HLCS: variants seen among roughly 807,000 people sequenced by gnomAD.
HLCS encodes holocarboxylase synthetase.
A neutral mutation model predicts 75.0 loss-of-function variants in HLCS; 53 were observed. The ratio of observed to expected loss-of-function variants is 0.71; its 90% confidence interval spans 0.57 to 0.89. The LOEUF is 0.89. Among genes scored for constraint, HLCS ranks in the 40% least tolerant of loss-of-function variants. The pLI is 0.00. For missense variants in HLCS, 966 were observed against 1,074.0 expected (o/e 0.90, Z 1.41); for synonymous variants, 431 against 428.6 (o/e 1.01, Z -0.07).
intron 6 of HLCS, among the ~76,000 whole-genome samples, chr21:36,840,231 A>C (rs894833641): frequency 3.9e-5 from 6 of 152,232 alleles, no homozygotes; most frequent in African/African-American, 1.4e-4. Flanking sequence ...TTGGCTTTAA[A>C]AAAATTACTA....
chr21:36,771,742 T>C (rs2060213687), intron 6 of HLCS, among the ~76,000 whole-genome samples: 1 of 152,168 alleles, frequency 6.6e-6, no homozygotes, highest in Admixed American at 6.5e-5. Flanking sequence ...CTCACGCCTA[T>C]AATCCCAGCA....
intron 6 of HLCS, among the ~76,000 whole-genome samples, chr21:36,857,475 T>C (rs994853191): frequency 6.6e-6 from 1 of 152,214 alleles, no homozygotes. Context: ...GTTTGGTCTT[T>C]CATTTGTGTA....
intron 6 of HLCS, among the ~76,000 whole-genome samples, chr21:36,877,269 G>A (rs911024873): frequency 3.9e-5 from 6 of 152,056 alleles, no homozygotes; most frequent in African/African-American, 1.4e-4. Context: ...GTTGAATTGA[G>A]TTAAACCATT....
chr21:36,766,041 T>C (rs1277798024), intron 7 of HLCS, among the ~76,000 whole-genome samples: 2 of 152,194 alleles, frequency 1.3e-5, no homozygotes, highest in African/African-American at 4.8e-5. Flanking sequence ...TTCCTTTCTT[T>C]CTTCCTTTTT....
intron 6 of HLCS, among the ~76,000 whole-genome samples, chr21:36,887,733 TA>T (rs1261894400): frequency 1.3e-5 from 2 of 152,182 alleles, no homozygotes; most frequent in Non-Finnish European, 2.9e-5. Flanking sequence ...AACTGACACA[TA>T]AAAAAATTCG....
At chr21:36,787,956 G>A (rs2060741926) in intron 6 of HLCS, among the ~76,000 whole-genome samples, 1 of 152,176 alleles carries the variant, frequency 6.6e-6, no homozygotes, top group Admixed American at 6.5e-5. Flanking sequence ...AGACGCTGCA[G>A]CTTGGTTCTT....
intron 4 of HLCS, among the ~76,000 whole-genome samples, chr21:36,935,797 C>A (rs186883382): frequency 3.3e-5 from 5 of 152,336 alleles, no homozygotes; most frequent in African/African-American, 9.6e-5. Flanking sequence ...GGATCTCCTA[C>A]GCAAGAAAAA....
intron 1 of HLCS, among the ~76,000 whole-genome samples, chr21:36,987,444 C>T (rs2069248789): frequency 6.6e-6 from 1 of 152,102 alleles, no homozygotes; most frequent in Non-Finnish European, 1.5e-5. Flanking sequence ...GAAACCCTGT[C>T]TCTACTAAAA....
intron 6 of HLCS, among the ~76,000 whole-genome samples, chr21:36,769,597 T>C (rs952380345): frequency 1.3e-5 from 2 of 152,232 alleles, no homozygotes; most frequent in African/African-American, 4.8e-5. Context: ...TTTCTGTGAG[T>C]GGCAGCCGAG....
intron 6 of HLCS, among the ~76,000 whole-genome samples, chr21:36,848,469 A>G (rs2062874528): frequency 6.6e-6 from 1 of 151,962 alleles, no homozygotes; most frequent in Admixed American, 6.6e-5. Context: ...GGATTTTACC[A>G]TGTTGGCCAG....
At chr21:36,951,667 A>AT (rs2067675738) in intron 2 of HLCS, among the ~76,000 whole-genome samples, 2 of 152,242 alleles carry the variant, frequency 1.3e-5, no homozygotes, top group South Asian at 4.1e-4. Flanking sequence ...AATCTGGCAT[A>AT]TAACAGGCAC....
At chr21:36,980,330 GAA>G (rs2069083121) in intron 1 of HLCS, 2 of 152,152 alleles carry the variant, frequency 1.3e-5, no homozygotes, top group African/African-American at 2.4e-5. Context: ...CAGCTGAACT[GAA>G]CTCCTGCCTG....
chr21:36,908,980 G>A (rs2065583409), intron 5 of HLCS, among the ~76,000 whole-genome samples: 3 of 152,100 alleles, frequency 2.0e-5, no homozygotes, highest in African/African-American at 7.2e-5. Context: ...GGATCACAAG[G>A]TCAGGAGATC....
intron 6 of HLCS, among the ~76,000 whole-genome samples, chr21:36,799,790 C>G (rs1474914689): frequency 6.6e-6 from 1 of 152,198 alleles, no homozygotes; most frequent in Admixed American, 6.5e-5. Context: ...TTCCAAGGAG[C>G]CGAAAACTTG....
intron 6 of HLCS, among the ~76,000 whole-genome samples, chr21:36,884,438 C>A (rs1452754343): frequency 6.6e-6 from 1 of 152,248 alleles, no homozygotes; most frequent in African/African-American, 2.4e-5. Flanking sequence ...AGTGGGAAAC[C>A]AGACTTCTAA....
intron 2 of HLCS, among the ~76,000 whole-genome samples, chr21:36,952,609 T>C (rs2146610804): frequency 6.6e-6 from 1 of 152,106 alleles, no homozygotes; most frequent in East Asian, 1.9e-4. Flanking sequence ...CTGGCCAACA[T>C]GGTGAAACTC....
intron 2 of HLCS, among the ~76,000 whole-genome samples, chr21:36,949,503 C>T (rs977577251): frequency 2.6e-5 from 4 of 152,248 alleles, no homozygotes; most frequent in African/African-American, 9.6e-5. Context: ...TCCAAGGTTT[C>T]TCATGATCTG....
At chr21:36,866,483 C>T (rs1158337636) in intron 6 of HLCS, among the ~76,000 whole-genome samples, 1 of 152,212 alleles carries the variant, frequency 6.6e-6, no homozygotes, top group East Asian at 1.9e-4. Flanking sequence ...CAAGTTCAAA[C>T]TTAAAATCGT....
chr21:36,962,232 C>T, intron 1 of HLCS, 62 bp from the exon 2 acceptor site: 1 of 1,169,726 alleles, frequency 8.5e-7, no homozygotes, highest in South Asian at 1.3e-5. Flanking sequence ...CCATAAATTT[C>T]AACCCCCTCT....
Sources: allele counts gnomAD v4.1 joint callset (sites outside exome capture counted in the v4.1 genomes callset), GRCh38; gene constraint gnomAD v4.1.1; transcripts MANE v1.5; gene names NCBI Gene and HGNC (gene_info 2026-07-23, HGNC 2026-07-21).